The following PLEKHG1 variants were observed in gnomAD, a reference collection of about 807,000 sequenced individuals.
The protein encoded by PLEKHG1 is pleckstrin homology and RhoGEF domain containing G1, also known as pleckstrin homology domain-containing family G member 1.
A neutral mutation model predicts 100.8 loss-of-function variants in PLEKHG1; 44 were observed. That is an observed-to-expected ratio of 0.44 (90% CI 0.34 to 0.56). The LOEUF is 0.56. Ranked by LOEUF, PLEKHG1 falls within the 20% of genes least tolerant of loss-of-function variation. The pLI is 0.01. For missense variants in PLEKHG1, 1,545 were observed against 1,720.9 expected (o/e 0.90, Z 1.81); for synonymous variants, 640 against 662.5 (o/e 0.97, Z 0.52).
At chr6:150,638,142 A>G (rs1778093321) in intron 2 of PLEKHG1, 1 of 152,204 alleles carries the variant, frequency 6.6e-6, no homozygotes, top group Admixed American at 6.5e-5. Context: ...TTCTTCAAAG[A>G]TGATCTTCTT....
chr6:150,762,236 C>T (rs1411934402), intron 2 of PLEKHG1, among the ~76,000 whole-genome samples: 2 of 151,002 alleles, frequency 1.3e-5, no homozygotes, highest in Non-Finnish European at 2.9e-5. Flanking sequence ...GTTGCCCAGG[C>T]TGGAGTGCAG....
exon 16 of PLEKHG1, chr6:150,841,253 A>C: frequency 9.3e-6 from 3 of 321,660 alleles, no homozygotes; most frequent in Non-Finnish European, 1.8e-5. Flanking sequence ...AGGCCCAGGT[A>C]GTTTTATCCT....
chr6:150,708,881 A>G (rs985568054), intron 3 of PLEKHG1, among the ~76,000 whole-genome samples: 1 of 152,192 alleles, frequency 6.6e-6, no homozygotes, highest in Non-Finnish European at 1.5e-5. Flanking sequence ...GGTTTCCAGA[A>G]TGCAATTTTG....
intron 3 of PLEKHG1, among the ~76,000 whole-genome samples, chr6:150,668,018 C>T (rs960173739): frequency 7.2e-5 from 11 of 152,176 alleles, no homozygotes; most frequent in African/African-American, 9.6e-5. Flanking sequence ...GGCTAAAATA[C>T]GTGCAATAGG....
At chr6:150,653,094 G>A (rs1778814961) in intron 3 of PLEKHG1, among the ~76,000 whole-genome samples, 1 of 152,182 alleles carries the variant, frequency 6.6e-6, no homozygotes, top group Non-Finnish European at 1.5e-5. Flanking sequence ...AGAATGCTGA[G>A]TAGCTTGAAA....
chr6:150,815,375 A>T (rs1301807142), intron 10 of PLEKHG1, among the ~76,000 whole-genome samples: 1 of 152,246 alleles, frequency 6.6e-6, no homozygotes, highest in Non-Finnish European at 1.5e-5. Flanking sequence ...GACAAAAAAA[A>T]ATTCTTGAAG....
intron 3 of PLEKHG1, among the ~76,000 whole-genome samples, chr6:150,674,678 T>TC (rs1779692480): frequency 1.1e-4 from 15 of 138,658 alleles, no homozygotes; most frequent in Middle Eastern, 3.6e-3. Flanking sequence ...TCTCTCTCTC[T>TC]CTCTCCCCCC....
chr6:150,703,802 C>G (rs1030311606), intron 3 of PLEKHG1, among the ~76,000 whole-genome samples: 1 of 152,124 alleles, frequency 6.6e-6, no homozygotes, highest in Non-Finnish European at 1.5e-5. Context: ...TGGTCTTGCC[C>G]TCCAGTGAAT....
intron 2 of PLEKHG1, among the ~76,000 whole-genome samples, chr6:150,645,269 A>T (rs1216797900): frequency 6.6e-6 from 1 of 152,212 alleles, no homozygotes; most frequent in African/African-American, 2.4e-5. Context: ...TCCTTATGGA[A>T]AAAATGAAAA....
At chr6:150,775,385 T>C (rs1193922358) in intron 3 of PLEKHG1, among the ~76,000 whole-genome samples, 5 of 152,228 alleles carry the variant, frequency 3.3e-5, no homozygotes, top group Non-Finnish European at 7.3e-5. Flanking sequence ...TTCAATTGTT[T>C]CTTAGGAGAT....
intron 1 of PLEKHG1, among the ~76,000 whole-genome samples, chr6:150,623,768 T>A (rs922611588): frequency 1.3e-5 from 2 of 152,214 alleles, no homozygotes; most frequent in African/African-American, 4.8e-5. Context: ...CATGTGCCTC[T>A]CTGAGCATCC....
chr6:150,683,853 A>G lies in PLEKHG1; in HGVS notation c.-99+33067A>G. 7.8e-7 allele frequency: 1 copy of G among 1,281,834 alleles called. No homozygotes were observed. Among genetic ancestry groups the G allele is most frequent in the Non-Finnish European group, 1.0e-6 (1 of 983,630 alleles). 79.4% of individuals were successfully genotyped at this position (1,281,834 alleles called of 1,614,324 possible). On this transcript the variant is annotated intron_variant, in intron 3 of 3. Coordinates refer to the PLEKHG1 transcript ENST00000367326. This position sits in a 1 kb window ranked among gnomAD's most constrained non-coding sequence, Gnocchi z 4.0. ...CCAAAGCATCACAGGCGAGTGAAATATGGGAATATTGAAGGGGCCTGGGAT... is the reference window on the plus strand; with the variant it reads ...CCAAAGCATCACAGGCGAGTGAAATGTGGGAATATTGAAGGGGCCTGGGAT...
intron 14 of PLEKHG1, chr6:150,828,170 C>A (rs1776719460): frequency 6.2e-7 from 1 of 1,613,782 alleles, no homozygotes; most frequent in East Asian, 2.2e-5. Flanking sequence ...TATTTGTTTA[C>A]CTGGAAGGAG....
At chr6:150,746,057 G>A (rs937674866) in intron 2 of PLEKHG1, among the ~76,000 whole-genome samples, 16 of 152,176 alleles carry the variant, frequency 1.1e-4, no homozygotes, top group African/African-American at 2.4e-4. Context: ...AACGGGGAGG[G>A]TCACCTGCCA....
At chr6:150,807,598 TC>T (rs1278244406) in intron 7 of PLEKHG1, among the ~76,000 whole-genome samples, 6 of 152,204 alleles carry the variant, frequency 3.9e-5, no homozygotes, top group Non-Finnish European at 8.8e-5. Flanking sequence ...AGTTTATTTA[TC>T]AATTTCCATT....
At chr6:150,697,312 T>C (rs1245378224) in intron 3 of PLEKHG1, among the ~76,000 whole-genome samples, 2 of 152,206 alleles carry the variant, frequency 1.3e-5, no homozygotes, top group East Asian at 1.9e-4. Flanking sequence ...GAGCATGTCA[T>C]GTTGTAGGCA....
At chr6:150,656,369 G>A (rs1284132514) in intron 3 of PLEKHG1, among the ~76,000 whole-genome samples, 1 of 152,168 alleles carries the variant, frequency 6.6e-6, no homozygotes, top group African/African-American at 2.4e-5. Flanking sequence ...CTAGGAATTA[G>A]GAGCCTCTTG....
At chr6:150,663,068 G>A (rs1000857330) in intron 3 of PLEKHG1, 2 of 152,116 alleles carry the variant, frequency 1.3e-5, no homozygotes, top group African/African-American at 4.8e-5. Context: ...GTGAGATATT[G>A]AACACGTTAT....
At chr6:150,656,995 A>C (rs1016152523) in intron 3 of PLEKHG1, among the ~76,000 whole-genome samples, 11 of 152,202 alleles carry the variant, frequency 7.2e-5, no homozygotes, top group African/African-American at 2.7e-4. Flanking sequence ...CATGCATAAA[A>C]GTGATAGGGT....
Sources: allele counts gnomAD v4.1 joint callset (sites outside exome capture counted in the v4.1 genomes callset), GRCh38; gene constraint gnomAD v4.1.1; non-coding constraint Gnocchi (gnomAD v3.1); transcripts MANE v1.5; gene names NCBI Gene and HGNC (gene_info 2026-07-23, HGNC 2026-07-21).